GHR: variants seen among roughly 807,000 people sequenced by gnomAD.
The protein encoded by GHR is GH receptor.
A neutral mutation model predicts 67.1 loss-of-function variants in GHR; 35 were observed. That is an observed-to-expected ratio of 0.52 (90% CI 0.40 to 0.69). The LOEUF is 0.69. Among genes scored for constraint, GHR ranks in the 30% least tolerant of loss-of-function variants. GHR has a pLI of 0.00. For missense variants in GHR, 792 were observed against 764.6 expected (o/e 1.04, Z -0.42); for synonymous variants, 272 against 269.1 (o/e 1.01, Z -0.10).
chr5:42,651,925 G>A (rs1755036450), intron 3 of GHR, among the ~76,000 whole-genome samples: 1 of 151,914 alleles, frequency 6.6e-6, no homozygotes, highest in Non-Finnish European at 1.5e-5. Flanking sequence ...AAAATATTTG[G>A]GGGCATAATT....
intron 1 of GHR, among the ~76,000 whole-genome samples, chr5:42,474,336 A>AGAAAGAAAGAAG (rs1579770183): frequency 3.4e-5 from 5 of 147,650 alleles, no homozygotes; most frequent in East Asian, 2.4e-4. Context: ...AAAGAAAGAA[A>AGAAAGAAAGAAG]GAAAAGAAAT....
At chr5:42,713,616 T>A in intron 8 of GHR, 97 bp downstream of exon 8, 1 of 744,356 alleles carries the variant, frequency 1.3e-6, no homozygotes, top group East Asian at 2.5e-5. Flanking sequence ...TGTCAAATTA[T>A]GAGTGGAAAT....
chr5:42,699,202 GA>G (rs1286489875), intron 5 of GHR, among the ~76,000 whole-genome samples: 1 of 152,196 alleles, frequency 6.6e-6, no homozygotes, highest in Non-Finnish European at 1.5e-5. Context: ...GAAGATTGAA[GA>G]AGAGTAAAAA....
At chr5:42,526,435 A>G (rs1747708598) in intron 1 of GHR, among the ~76,000 whole-genome samples, 1 of 152,250 alleles carries the variant, frequency 6.6e-6, no homozygotes, top group African/African-American at 2.4e-5. Flanking sequence ...AGCAGGTGCT[A>G]ATTTAGAAGG....
At chr5:42,596,133 T>C (rs1239942292) in intron 2 of GHR, among the ~76,000 whole-genome samples, 1 of 152,218 alleles carries the variant, frequency 6.6e-6, no homozygotes, top group Non-Finnish European at 1.5e-5. Flanking sequence ...AGTCATTTTT[T>C]GTAGCTGGTT....
chr5:42,436,228 G>T (rs1743316750), intron 1 of GHR, among the ~76,000 whole-genome samples: 1 of 152,158 alleles, frequency 6.6e-6, no homozygotes, highest in Non-Finnish European at 1.5e-5. Context: ...CTTGGCCAGG[G>T]ATTCACAGCT....
intron 1 of GHR, among the ~76,000 whole-genome samples, chr5:42,547,070 A>G (rs1315109256): frequency 6.6e-6 from 1 of 152,216 alleles, no homozygotes; most frequent in Non-Finnish European, 1.5e-5. Flanking sequence ...AGATTTCAAA[A>G]CATATTAGCC....
chr5:42,514,321 T>G (rs1747148541), intron 1 of GHR: 1 of 965,340 alleles, frequency 1.0e-6, no homozygotes, highest in Admixed American at 7.1e-5. Flanking sequence ...AATTCACACT[T>G]CACCCCTTGT....
chr5:42,614,161 A>G (rs1753023632), intron 2 of GHR, among the ~76,000 whole-genome samples: 1 of 152,128 alleles, frequency 6.6e-6, no homozygotes, highest in Non-Finnish European at 1.5e-5. Flanking sequence ...CTCCAGAAGT[A>G]AAATGTGAAG....
At chr5:42,661,966 T>C (rs1200826543) in intron 3 of GHR, among the ~76,000 whole-genome samples, 1 of 152,084 alleles carries the variant, frequency 6.6e-6, no homozygotes, top group Non-Finnish European at 1.5e-5. Context: ...TCGTCTCTGA[T>C]AAAACAGACT....
intron 1 of GHR, among the ~76,000 whole-genome samples, chr5:42,464,126 T>C (rs2112063948): frequency 6.6e-6 from 1 of 150,880 alleles, no homozygotes; most frequent in East Asian, 2.0e-4. Context: ...TGCTCAGTCT[T>C]CTGACTTCTA....
chr5:42,564,016 C>A (rs915046904), intron 1 of GHR, among the ~76,000 whole-genome samples: 70 of 152,030 alleles, frequency 4.6e-4, no homozygotes, highest in African/African-American at 1.5e-3. Flanking sequence ...TGATGAAAGG[C>A]CATCAGCTCA....
chr5:42,682,134 C>A (rs1337393578), intron 3 of GHR, among the ~76,000 whole-genome samples: 2 of 152,070 alleles, frequency 1.3e-5, no homozygotes, highest in East Asian at 3.9e-4. Context: ...ATGGATGAAG[C>A]TGGAAACCAT....
chr5:42,712,664 G>A (rs755986504), intron 7 of GHR, among the ~76,000 whole-genome samples: 18 of 152,108 alleles, frequency 1.2e-4, no homozygotes, highest in Admixed American at 1.1e-3. Context: ...AAAGTGGTTA[G>A]CCTCTGCCTC....
chr5:42,488,425 C>G (rs375787178), intron 1 of GHR, among the ~76,000 whole-genome samples: 1 of 152,142 alleles, frequency 6.6e-6, no homozygotes, highest in African/African-American at 2.4e-5. Flanking sequence ...CTATGCTATG[C>G]GCACAATTAC....
In GHR at chr5:42,698,643, C is replaced by G. The variant is rs145586961; in HGVS notation, c.440-1181C>G. ...TTTTCACTGTGGGTGCACACAAGAG[C>G]TTCCCTCTTTGGCCAACAGATTTGA... On this transcript the variant is annotated intron_variant, in intron 5 of 9. Coordinates refer to ENST00000230882, the MANE Select transcript of GHR (RefSeq NM_000163.5). Among the ~76,000 whole-genome samples, 986 of 152,174 alleles carry G rather than the reference C, an allele frequency of 6.5e-3. 9 individuals carry two copies. The highest frequency in any genetic ancestry group is 0.031 in the Middle Eastern group (9 of 294).
intron 2 of GHR, among the ~76,000 whole-genome samples, chr5:42,576,105 A>T (rs868518175): frequency 0.012 from 1,293 of 105,992 alleles, 40 homozygotes; most frequent in African/African-American, 0.022. Flanking sequence ...AAAATAAATA[A>T]AATAAAATAA....
chr5:42,505,487 T>C (rs543888354), intron 1 of GHR, among the ~76,000 whole-genome samples: 1 of 151,650 alleles, frequency 6.6e-6, no homozygotes, highest in Admixed American at 6.6e-5. Context: ...TCTGTGCTTG[T>C]GAAATTAATA....
At chr5:42,704,219 A>T (rs1758066924) in intron 6 of GHR, among the ~76,000 whole-genome samples, 1 of 151,942 alleles carries the variant, frequency 6.6e-6, no homozygotes, top group Admixed American at 6.6e-5. Context: ...TATTGTGTTG[A>T]AATACATTCC....
Sources: gnomAD v4.1 joint callset for allele counts (sites outside exome capture counted in the v4.1 genomes callset) on GRCh38, gnomAD v4.1.1 for gene constraint, MANE v1.5 for transcripts, NCBI Gene and HGNC (gene_info 2026-07-23, HGNC 2026-07-21) for gene names.